GMDS: variants seen among roughly 807,000 people sequenced by gnomAD.
The protein encoded by GMDS is GDP-mannose 4,6-dehydratase.
A neutral mutation model predicts 49.9 loss-of-function variants in GMDS; 20 were observed. The ratio of observed to expected loss-of-function variants is 0.40; its 90% CI spans 0.28 to 0.58. The LOEUF is 0.58. Ranked by LOEUF, GMDS falls within the 20% of genes least tolerant of loss-of-function variation. The pLI is 0.42. For synonymous variants in GMDS, 177 were observed against 178.6 expected (o/e 0.99, Z 0.07); for missense variants, 362 against 481.4 (o/e 0.75, Z 2.32).
chr6:2,117,965 A>T (rs1774939120), intron 2 of GMDS, among the ~76,000 whole-genome samples: 1 of 152,188 alleles, frequency 6.6e-6, no homozygotes, highest in Admixed American at 6.5e-5. Context: ...AGGCCATCAC[A>T]GCTTCTCAGT....
At chr6:2,036,030 C>T (rs1202501835) in intron 4 of GMDS, among the ~76,000 whole-genome samples, 1 of 152,122 alleles carries the variant, frequency 6.6e-6, no homozygotes, top group East Asian at 1.9e-4. Context: ...TCTCATGTCG[C>T]AGGGCAGCCT....
intron 7 of GMDS, among the ~76,000 whole-genome samples, chr6:1,757,214 A>C (rs766157680): frequency 3.9e-5 from 6 of 152,218 alleles, no homozygotes; most frequent in South Asian, 4.1e-4. Context: ...AAAATAACTC[A>C]CGACGCATAC....
chr6:1,813,668 G>A (rs904261679), intron 7 of GMDS, among the ~76,000 whole-genome samples: 9 of 152,148 alleles, frequency 5.9e-5, no homozygotes, highest in Admixed American at 1.3e-4. Context: ...ATCCCCATGC[G>A]ACACGTAAGG....
chr6:1,921,023 G>A (rs1357619195), intron 7 of GMDS, among the ~76,000 whole-genome samples: 2 of 152,170 alleles, frequency 1.3e-5, no homozygotes, highest in Non-Finnish European at 2.9e-5. Context: ...CGTGACTAAA[G>A]GGTGGAGTAC....
intron 7 of GMDS, among the ~76,000 whole-genome samples, chr6:1,844,865 C>T (rs978330745): frequency 1.3e-5 from 2 of 152,106 alleles, no homozygotes; most frequent in Admixed American, 6.5e-5. Flanking sequence ...AAGAAATTAA[C>T]GACAGAGAGT....
intron 9 of GMDS, among the ~76,000 whole-genome samples, chr6:1,689,165 G>C (rs1765084952): frequency 6.6e-6 from 1 of 152,306 alleles, no homozygotes; most frequent in Non-Finnish European, 1.5e-5. Context: ...AACCATGGTA[G>C]AGTTGCAGGA....
intron 1 of GMDS, among the ~76,000 whole-genome samples, chr6:2,147,317 A>C (rs1177455888): frequency 6.6e-6 from 1 of 152,196 alleles, no homozygotes; most frequent in Non-Finnish European, 1.5e-5. Context: ...CTGACACAGC[A>C]GACTCTGCCA....
chr6:1,637,274 G>GC (rs1270077058), intron 9 of GMDS, among the ~76,000 whole-genome samples: 1 of 152,210 alleles, frequency 6.6e-6, no homozygotes, highest in Admixed American at 6.5e-5. Flanking sequence ...GCCTTTCCAG[G>GC]CATCTCTCCA....
At chr6:1,666,934 G>C (rs886287500) in intron 9 of GMDS, among the ~76,000 whole-genome samples, 2 of 152,160 alleles carry the variant, frequency 1.3e-5, no homozygotes, top group African/African-American at 2.4e-5. Context: ...AGCACCCTCT[G>C]GGGGAAGGGC....
intron 9 of GMDS, among the ~76,000 whole-genome samples, chr6:1,681,580 T>C (rs901569130): frequency 1.3e-5 from 2 of 152,136 alleles, no homozygotes; most frequent in Non-Finnish European, 2.9e-5. Flanking sequence ...AGGCCTCCGG[T>C]GGAGAGTGGC....
At chr6:1,775,042 A>C (rs1356065032) in intron 7 of GMDS, among the ~76,000 whole-genome samples, 4 of 152,240 alleles carry the variant, frequency 2.6e-5, no homozygotes. Context: ...AACTTAATAA[A>C]ATCTGTAACA....
intron 7 of GMDS, among the ~76,000 whole-genome samples, chr6:1,750,854 G>C (rs1767695135): frequency 6.6e-6 from 1 of 152,180 alleles, no homozygotes; most frequent in African/African-American, 2.4e-5. Context: ...ACAGCAGTAT[G>C]AAGTTGACCT....
At chr6:2,147,184 G>A (rs948417297) in intron 1 of GMDS, among the ~76,000 whole-genome samples, 1 of 152,162 alleles carries the variant, frequency 6.6e-6, no homozygotes, top group African/African-American at 2.4e-5. Flanking sequence ...GAGAAAAACA[G>A]TACTATTCAG....
At chr6:1,711,503 C>G (rs1044952189) in intron 9 of GMDS, among the ~76,000 whole-genome samples, 2 of 152,194 alleles carry the variant, frequency 1.3e-5, no homozygotes, top group African/African-American at 2.4e-5. Flanking sequence ...ACCCACCCAT[C>G]CACAACAGCT....
intron 4 of GMDS, among the ~76,000 whole-genome samples, chr6:2,017,962 GCTTAT>G (rs1054764694): frequency 6.6e-6 from 1 of 152,052 alleles, no homozygotes; most frequent in African/African-American, 2.4e-5. Flanking sequence ...AAAGAATTAA[GCTTAT>G]CTTGTTTTTT....
chr6:2,230,694 T>C (rs915417639), intron 1 of GMDS, among the ~76,000 whole-genome samples: 3 of 151,948 alleles, frequency 2.0e-5, no homozygotes, highest in African/African-American at 7.3e-5. Context: ...ATAGCAAAAT[T>C]GATAAGGGAT....
At chr6:2,184,394 T>TC (rs1295795446) in intron 1 of GMDS, among the ~76,000 whole-genome samples, 1 of 152,076 alleles carries the variant, frequency 6.6e-6, no homozygotes, top group African/African-American at 2.4e-5. Flanking sequence ...TTGCCTACCT[T>TC]CCCCCCACCT....
chr6:1,661,827 C>T (rs866034865), intron 9 of GMDS, among the ~76,000 whole-genome samples: 2 of 152,146 alleles, frequency 1.3e-5, no homozygotes, highest in East Asian at 1.9e-4. Context: ...GCTGCTGAGG[C>T]GGACTAGGCA....
At chr6:1,886,869 A>AT (rs1444495381) in intron 7 of GMDS, among the ~76,000 whole-genome samples, 2 of 152,114 alleles carry the variant, frequency 1.3e-5, no homozygotes, top group African/African-American at 2.4e-5. Flanking sequence ...CAATTGGCAG[A>AT]TTTTTTCTTA....
Sources: allele counts gnomAD v4.1 joint callset (sites outside exome capture counted in the v4.1 genomes callset), GRCh38; gene constraint gnomAD v4.1.1; transcripts MANE v1.5; gene names NCBI Gene and HGNC (gene_info 2026-07-23, HGNC 2026-07-21).